The following BAIAP2L1 variants were observed in gnomAD, a reference collection of about 807,000 sequenced individuals.
BAIAP2L1 encodes BAR/IMD domain containing adaptor protein 2 like 1.
BAIAP2L1 carries 35 observed loss-of-function variants against 66.3 expected under a neutral mutation model. The ratio of observed to expected loss-of-function variants is 0.53; its 90% CI spans 0.40 to 0.70. The LOEUF is 0.70. BAIAP2L1 is among the 30% of genes least tolerant of loss of function. BAIAP2L1 has a pLI of 0.00. For synonymous variants in BAIAP2L1, 269 were observed against 248.7 expected (o/e 1.08, Z -0.77); for missense variants, 622 against 656.9 (o/e 0.95, Z 0.58).
chr7:98,293,826 G>A (rs896286449), intron 13 of BAIAP2L1, among the ~76,000 whole-genome samples: 1 of 152,222 alleles, frequency 6.6e-6, no homozygotes, highest in African/African-American at 2.4e-5. Flanking sequence ...CTGGACGTGG[G>A]CACCCACACC....
At chr7:98,366,788 A>G (rs1021884139) in intron 1 of BAIAP2L1, among the ~76,000 whole-genome samples, 2 of 152,138 alleles carry the variant, frequency 1.3e-5, no homozygotes, top group African/African-American at 4.8e-5. Context: ...CTCCCCCACG[A>G]TCCTCTCTAC....
chr7:98,392,976 T>C (rs906203060), intron 1 of BAIAP2L1, among the ~76,000 whole-genome samples: 1 of 150,406 alleles, frequency 6.6e-6, no homozygotes, highest in Non-Finnish European at 1.5e-5. Context: ...TTTATATATA[T>C]AGATATATAT....
At chr7:98,385,298 G>A (rs187871281) in intron 1 of BAIAP2L1, among the ~76,000 whole-genome samples, 76 of 152,150 alleles carry the variant, frequency 5.0e-4, no homozygotes, top group Admixed American at 5.0e-3. Flanking sequence ...GACAGAGCGA[G>A]ATTCTGTCTC....
chr7:98,292,041 A>T lies in BAIAP2L1; in HGVS notation c.*1480T>A, dbSNP rs1374512576. ...TGTTAACATAGTTCATGGTGCCTGCAGCCCCTTCATGGTGGGGGTGCCTGG... is the reference window on the plus strand; with the variant it reads ...TGTTAACATAGTTCATGGTGCCTGCTGCCCCTTCATGGTGGGGGTGCCTGG... On this transcript the variant is annotated 3_prime_UTR_variant, in exon 14 of 14. Transcript: ENST00000005260. 6.5e-6 allele frequency: 1 copy of T among 153,608 alleles called. No individual in the cohort carries two copies. Among genetic ancestry groups the T allele is most frequent in the Non-Finnish European group, 1.4e-5 (1 of 69,016 alleles). 9.5% of individuals were successfully genotyped at this position (153,608 alleles called of 1,614,324 possible).
chr7:98,354,311 C>T (rs991310449), intron 3 of BAIAP2L1, among the ~76,000 whole-genome samples: 3 of 152,102 alleles, frequency 2.0e-5, no homozygotes, highest in Non-Finnish European at 4.4e-5. Flanking sequence ...CCTCTGCTTC[C>T]CCTTCCTACT....
At chr7:98,376,657 CAAAAAAA>C (rs71112147) in intron 1 of BAIAP2L1, among the ~76,000 whole-genome samples, 3 of 92,934 alleles carry the variant, frequency 3.2e-5, no homozygotes, top group African/African-American at 8.8e-5. Context: ...CCCATCTTTA[CAAAAAAA>C]AAAAAAAAAA....
intron 2 of BAIAP2L1, among the ~76,000 whole-genome samples, chr7:98,359,744 G>GT (rs1562784013): frequency 9.0e-5 from 9 of 100,094 alleles, no homozygotes; most frequent in African/African-American, 2.8e-4. Context: ...TGTAGACCTG[G>GT]GTTTTTTTTT....
At chr7:98,335,664 A>G (rs1364202682) in intron 3 of BAIAP2L1, among the ~76,000 whole-genome samples, 1 of 152,208 alleles carries the variant, frequency 6.6e-6, no homozygotes, top group Non-Finnish European at 1.5e-5. Flanking sequence ...CGATTCTCAC[A>G]TCCTTGCCTC....
Position 98,307,896 on chromosome 7 carries a change from C to T in BAIAP2L1, c.956G>A (p.Gly319Asp). The T allele has an allele frequency of 6.2e-7, 1 of 1,614,174 alleles. No individual in the cohort carries two copies. ...PNSQRVNNST[G>D]TSEDPSLQRS... is the part of the protein sequence containing the mutation. ...CTGTAAACTGGGATCTTCGGAAGTACCTGTTGGAGGGAGTGTAGCAGTAAT... is the reference window on the plus strand; with the variant it reads ...CTGTAAACTGGGATCTTCGGAAGTATCTGTTGGAGGGAGTGTAGCAGTAAT... Residue 319 changes from glycine (G) to aspartate (D), a missense_variant and splice_region_variant, in exon 10 of 14, where the codon GGT becomes GAT. Coordinates refer to ENST00000005260, the MANE Select transcript of BAIAP2L1 (RefSeq NM_018842.5).
intron 2 of BAIAP2L1, among the ~76,000 whole-genome samples, chr7:98,360,306 G>A (rs890071443): frequency 4.0e-5 from 6 of 151,498 alleles, no homozygotes; most frequent in South Asian, 2.1e-4. Context: ...GACTCCCAAA[G>A]TGCTGGAATT....
At chr7:98,393,158 CACATATATGTATATATAT>C (rs1803106248) in intron 1 of BAIAP2L1, among the ~76,000 whole-genome samples, 1 of 66,034 alleles carries the variant, frequency 1.5e-5, no homozygotes, top group Non-Finnish European at 3.0e-5. Context: ...TATATATGTA[CACATATATGTATATATAT>C]ACATATATGT....
chr7:98,366,634 G>C (rs1457382715), intron 1 of BAIAP2L1, among the ~76,000 whole-genome samples: 10 of 152,106 alleles, frequency 6.6e-5, no homozygotes, highest in Admixed American at 1.3e-4. Flanking sequence ...TCATTTTAAT[G>C]GGTTCTCAAA....
chr7:98,294,735 G>A (rs1213209804), intron 12 of BAIAP2L1, among the ~76,000 whole-genome samples: 1 of 152,196 alleles, frequency 6.6e-6, no homozygotes, highest in East Asian at 1.9e-4. Flanking sequence ...CAAAGAAACA[G>A]GAAATAAAAA....
chr7:98,353,360 T>A (rs1802042234), intron 3 of BAIAP2L1, among the ~76,000 whole-genome samples: 1 of 138,832 alleles, frequency 7.2e-6, no homozygotes, highest in Non-Finnish European at 1.5e-5. Flanking sequence ...TATATTTATA[T>A]ATATACACAT....
At chr7:98,328,552 G>C (rs1801424458) in intron 3 of BAIAP2L1, among the ~76,000 whole-genome samples, 1 of 151,940 alleles carries the variant, frequency 6.6e-6, no homozygotes, top group African/African-American at 2.4e-5. Flanking sequence ...CCAGACACGT[G>C]GAGCAGATGG....
intron 12 of BAIAP2L1, 72 bp downstream of exon 12, chr7:98,304,118 GGTCACC>G: frequency 7.1e-7 from 1 of 1,410,932 alleles, no homozygotes; most frequent in Admixed American, 2.9e-5. Context: ...AGAGCAAGGC[GGTCACC>G]ACAGGACCTG....
chr7:98,354,564 C>A (rs886683948), intron 3 of BAIAP2L1, among the ~76,000 whole-genome samples: 1 of 152,192 alleles, frequency 6.6e-6, no homozygotes, highest in Non-Finnish European at 1.5e-5. Context: ...TGTAACCGCC[C>A]TCTCTGCCTG....
intron 3 of BAIAP2L1, among the ~76,000 whole-genome samples, chr7:98,344,489 T>C (rs1801826483): frequency 6.6e-6 from 1 of 152,194 alleles, no homozygotes; most frequent in Admixed American, 6.6e-5. Context: ...TAAAGGACCT[T>C]TTATTTTAAG....
At position 98,320,142 on chromosome 7, in the gene BAIAP2L1, G is replaced by A. The variant is rs752575812; in HGVS notation, c.277-13C>T. 6.2e-7 allele frequency: 1 copy of A among 1,606,086 alleles called. No homozygotes were observed. Among genetic ancestry groups the A allele is most frequent in the Non-Finnish European group, 8.5e-7 (1 of 1,174,024 alleles). On this transcript the variant is annotated splice_polypyrimidine_tract_variant and intron_variant, in intron 4 of 13. Coordinates refer to ENST00000005260, the MANE Select transcript of BAIAP2L1 (RefSeq NM_018842.5). ...GGAATTTTTTAAACTGTTAACAAAA[G>A]GAAATAAATTCATACCAGGTTTGAG...
Sources: gnomAD v4.1 joint callset for allele counts (sites outside exome capture counted in the v4.1 genomes callset) on GRCh38, gnomAD v4.1.1 for gene constraint, MANE v1.5 for transcripts, NCBI Gene and HGNC (gene_info 2026-07-23, HGNC 2026-07-21) for gene names.